The following TTN variants were observed in gnomAD, a reference collection of about 807,000 sequenced individuals.
TTN encodes connectin.
TTN carries 1,525 observed loss-of-function variants against 3,223.0 expected under a neutral mutation model. That is an observed-to-expected ratio of 0.47 (90% CI 0.45 to 0.49). The LOEUF is 0.49. Among genes scored for constraint, TTN ranks in the 20% least tolerant of loss-of-function variants. TTN has a pLI of 0.00. For missense variants in TTN, 40,786 were observed against 43,424.0 expected, an observed-to-expected ratio of 0.94 and a Z score of 5.40; for synonymous variants, 14,094 against 15,161.0, an observed-to-expected ratio of 0.93 and a Z score of 5.17.
rs371528685 is a variant in TTN at position 178,532,702 on chromosome 2, C to T, written c.103913G>A (p.Arg34638His). 8.2e-5 allele frequency: 132 copies of T among 1,613,894 alleles called. No individual in the cohort carries two copies. The South Asian group carries it at 1.1e-3, about 14-fold the overall frequency. Reference protein sequence around the residue: ...DLEIVRPARRRTPSPDYDFYY... With the variant: ...DLEIVRPARRHTPSPDYDFYY... ...AAAGTCATAATCAGGAGAAGGTGTACGCCGGCGGGCTGGTCTCACTATCTC... is the reference window on the plus strand; with the variant it reads ...AAAGTCATAATCAGGAGAAGGTGTATGCCGGCGGGCTGGTCTCACTATCTC... The change falls in exon 358 of 363, where the codon CGT (arginine) becomes CAT (histidine). Residue 34638 changes from arginine to histidine, a missense_variant. Coordinates refer to ENST00000589042, the MANE Select transcript of TTN (RefSeq NM_001267550.2).
chr2:178,553,878 G>T, intron 333 of TTN, 36 bp downstream of exon 333: 1 of 1,564,044 alleles, frequency 6.4e-7, no homozygotes, highest in Non-Finnish European at 8.6e-7. Context: ...GAATATAGAA[G>T]ACACAGGTGA....
Position 178,722,220 on chromosome 2 carries a change from C to A in TTN, c.22528+39G>T, listed in dbSNP as rs766503545. ...TCTACTTTGACAATGAAATATGAAG[C>A]CACAGTTTGCAAAGAAAAAGAGTGA... On this transcript the variant is annotated intron_variant, in intron 77 of 362. Transcript: ENST00000589042. 5 of 1,531,700 alleles carry A rather than the reference C, an allele frequency of 3.3e-6. No individual in the cohort carries two copies. The Admixed American group carries it at 8.6e-5, about 26-fold the overall frequency. 94.9% of individuals were successfully genotyped at this position (1,531,700 alleles called of 1,614,324 possible). A position where few individuals can be genotyped will look rare whatever the true frequency, so the allele number is the denominator to read the frequency against.
rs373718647 is a variant in TTN at position 178,561,712 on chromosome 2, G to A, written c.84420C>T (p.Tyr28140=). 1.2e-6 allele frequency: 2 copies of A among 1,610,764 alleles called. No individual in the cohort carries two copies. Among genetic ancestry groups the A allele is most frequent in the African/African-American group, 1.3e-5 (1 of 74,798 alleles). ...CAENRYGKSS[Y]SESSAVVAEY... is the part of the protein sequence containing the mutation. ...CTGCAACAACAGCTGAAGATTCACT[G>A]TAGGAGCTCTTTCCATAGCGGTTTT... Residue 28140 remains tyrosine (Y), a synonymous_variant, in exon 326 of 363, where the codon TAC becomes TAT. Coordinates refer to ENST00000589042, the MANE Select transcript of TTN (RefSeq NM_001267550.2).
Position 178,531,465 on chromosome 2 carries a change from T to C in TTN, c.105150A>G (p.Arg35050=). The part of the protein sequence containing the change: ...ASQRRDEEVP[R]SVFPELTRTE... ...TTCTTGTCAGCTCAGGGAAAACAGA[T>C]CTGGGGACCTCTTCATCTCTGCGTT... Residue 35050 remains arginine, a synonymous_variant, in exon 358 of 363, where the codon AGA becomes AGG. Transcript: ENST00000589042. The C allele has an allele frequency of 6.2e-7, 1 of 1,613,914 alleles. No individual in the cohort carries two copies. Among genetic ancestry groups the C allele is most frequent in the Non-Finnish European group, 8.5e-7 (1 of 1,179,884 alleles).
At chr2:178,755,446 C>G (rs996897146) in intron 46 of TTN, among the ~76,000 whole-genome samples, 2 of 151,956 alleles carry the variant, frequency 1.3e-5, no homozygotes, top group Non-Finnish European at 2.9e-5. Context: ...TTCTATTTTT[C>G]TTTTTTGGAG....
rs2078577458 is a variant in TTN at position 178,722,535 on chromosome 2, G to A, written c.22252C>T (p.Pro7418Ser). The A allele has an allele frequency of 6.2e-7, 1 of 1,611,702 alleles. No individual in the cohort carries two copies. Among genetic ancestry groups the A allele is most frequent in the Non-Finnish European group, 8.5e-7 (1 of 1,178,576 alleles). The stretch of plus-strand genomic sequence containing the variant: ...TTTAATTGTCTTGCAAAAGAAGGTG[G>A]GAGTTGGCGCTCTGTAGGGAGACAT... ...TVFRIQERQL[P>S]PSFARQLKDI... Residue 7418 changes from proline to serine, a missense_variant, in exon 77 of 363, where the codon CCA becomes TCA. Pro to Ser is a moderately conservative substitution (Grantham distance 74). Coordinates refer to ENST00000589042, the MANE Select transcript of TTN (RefSeq NM_001267550.2).
Position 178,689,579 on chromosome 2 carries a change from C to T in TTN, c.31863G>A (p.Lys10621=), listed in dbSNP as rs773966541. 5 of 1,604,326 alleles carry T rather than the reference C, an allele frequency of 3.1e-6. No homozygotes were observed. Among genetic ancestry groups the T allele is most frequent in the Non-Finnish European group, 3.4e-6 (4 of 1,175,918 alleles). The stretch of plus-strand genomic sequence containing the variant: ...TTATTTTTTCTTCTGTCACAACTCC[C>T]TTCTGTACTTCAGGAACTTGAAGAG... ...APPAKVPEVQ[K]GVVTEEKITI... Residue 10621 remains lysine, a synonymous_variant, in exon 123 of 363, where the codon AAG becomes AAA. Transcript: ENST00000589042.
chr2:178,584,180 CTCTG>C (rs2048406302), intron 311 of TTN, 92 bp downstream of exon 311: 1 of 1,373,018 alleles, frequency 7.3e-7, no homozygotes, highest in Non-Finnish European at 9.9e-7. Flanking sequence ...CTCTACTACT[CTCTG>C]TGTCTTGGAG....
chr2:178,624,958 G>T (rs1390436978), intron 241 of TTN, among the ~76,000 whole-genome samples: 1 of 151,914 alleles, frequency 6.6e-6, no homozygotes, highest in South Asian at 2.1e-4. Flanking sequence ...GGAAATAACA[G>T]CCAACTCTTG....
At chr2:178,745,825 T>C (rs1460265761) in intron 47 of TTN, 2 of 1,613,108 alleles carry the variant, frequency 1.2e-6, no homozygotes, top group Non-Finnish European at 1.7e-6. Context: ...TACCTATTGG[T>C]GCATAACAGT....
At position 178,636,220 on chromosome 2, in the gene TTN, T is replaced by C; in HGVS notation, c.41351A>G (p.Lys13784Arg). Residue 13784 changes from lysine to arginine, a missense_variant, in exon 226 of 363, where the codon AAA (lysine) becomes AGA (arginine). By Grantham distance (26) the Lys-to-Arg change is conservative. Coordinates refer to ENST00000589042, the MANE Select transcript of TTN (RefSeq NM_001267550.2). The surrounding 1 kb of genome is among the most constrained non-coding windows in gnomAD (Gnocchi z 4.3). ...VVEELPVRFV[K>R]TLEEEVTVVK... The stretch of plus-strand genomic sequence containing the variant: ...CACTGTGACTTCCTCTTCCAGTGTT[T>C]TTACAAAACGCACAGGAAGTTCTAT... The C allele has an allele frequency of 6.3e-7, 1 of 1,585,684 alleles. No individual in the cohort carries two copies. Among genetic ancestry groups the C allele is most frequent in the South Asian group, 1.2e-5 (1 of 86,848 alleles).
rs376080743 is a variant in TTN, at chr2:178,696,288, C to G, written c.30803-19G>C. The G allele has an allele frequency of 1.6e-5, 24 of 1,487,926 alleles. No individual in the cohort carries two copies. Among genetic ancestry groups the G allele is most frequent in the Non-Finnish European group, 2.0e-5 (22 of 1,123,608 alleles). 92.2% of individuals were successfully genotyped at this position (1,487,926 alleles called of 1,614,324 possible). ...TCAGGAGCTAAAATAGATAAAGATA[C>G]TATTAGCATATTAATTCTATCCATC... On this transcript the variant is annotated intron_variant, in intron 113 of 362. Coordinates refer to ENST00000589042, the MANE Select transcript of TTN (RefSeq NM_001267550.2).
intron 255 of TTN, 40 bp downstream of exon 255, chr2:178,617,080 A>G (rs1297952760): frequency 2.0e-5 from 33 of 1,610,932 alleles, no homozygotes; most frequent in Non-Finnish European, 2.5e-5. Flanking sequence ...CAAAGTAGCT[A>G]TGTGCTATTC....
Position 178,548,542 on chromosome 2 carries a change from C to T in TTN, c.93084G>A (p.Val31028=), listed in dbSNP as rs769412570. The change falls in exon 339 of 363, where the codon GTG becomes GTA. Residue 31028 remains valine, a synonymous_variant. Coordinates refer to ENST00000589042, the MANE Select transcript of TTN (RefSeq NM_001267550.2). This position sits in a 1 kb window ranked among gnomAD's most constrained non-coding sequence, Gnocchi z 4.3. The part of the protein sequence containing the change: ...GPPGPITFKD[V]TRGSATLMWD... The stretch of plus-strand genomic sequence containing the variant: ...ACATCAATGTAGCAGATCCCCGGGT[C>T]ACATCTTTGAAGGTAATTGGGCCAG... 1.2e-6 allele frequency: 2 copies of T among 1,613,860 alleles called. No individual in the cohort carries two copies. Among genetic ancestry groups the T allele is most frequent in the South Asian group, 2.2e-5 (2 of 91,070 alleles).
At chr2:178,798,382 G>T (rs1191074094) in intron 6 of TTN, 1 of 151,918 alleles carries the variant, frequency 6.6e-6, no homozygotes, top group Non-Finnish European at 1.5e-5. Context: ...ATTTACACTT[G>T]ATTATATAAT....
At chr2:178,687,387 C>A (rs1250391184) in intron 127 of TTN, among the ~76,000 whole-genome samples, 1 of 142,036 alleles carries the variant, frequency 7.0e-6, no homozygotes, top group Non-Finnish European at 1.5e-5. Context: ...TTTGTTGGTT[C>A]TGTCCTTAAG....
chr2:178,557,664 A>G lies in TTN; in HGVS notation c.87690T>C (p.Thr29230=). 1 of 1,613,818 alleles carries G rather than the reference A, an allele frequency of 6.2e-7. No homozygotes were observed. The change falls in exon 328 of 363, where the codon ACT becomes ACC. Residue 29230 remains threonine (T), a synonymous_variant. Transcript: ENST00000589042. ...ISDHIDSACV[T]VKLPYTTPGP... ...ACAACTTACTGTATGGTAGTTTGAC[A>G]GTCACACAAGCTGAATCTATATGAT...
chr2:178,786,523 T>C (rs10497521), intron 13 of TTN, among the ~76,000 whole-genome samples: 20,418 of 152,216 alleles, frequency 0.13, 1,873 homozygotes, highest in Middle Eastern at 0.24. Context: ...TTTTATTATC[T>C]TGTTGACCAT....
At position 178,553,601 on chromosome 2, in the gene TTN, G is replaced by A. The variant is rs1301048848; in HGVS notation, c.89404C>T (p.Pro29802Ser). 1.9e-6 allele frequency: 3 copies of A among 1,613,886 alleles called. No homozygotes were observed. Among genetic ancestry groups the A allele is most frequent in the Non-Finnish European group, 2.5e-6 (3 of 1,179,806 alleles). Reference sequence around the variant, plus strand: ...ACCCGGAAGTAGTAATTGACTCCAGGTTTCAGGTTGGATACCACATATTCT... The same window carrying A: ...ACCCGGAAGTAGTAATTGACTCCAGATTTCAGGTTGGATACCACATATTCT... ...TTEYVVSNLK[P>S]GVNYYFRVSA... is the part of the protein sequence containing the mutation. The change falls in exon 334 of 363, where the codon CCT (proline) becomes TCT (serine). Residue 29802 changes from proline to serine, a missense_variant. By Grantham distance (74) the Pro-to-Ser change is moderately conservative. Transcript: ENST00000589042.
Sources: allele counts gnomAD v4.1 joint callset (sites outside exome capture counted in the v4.1 genomes callset), GRCh38; gene constraint gnomAD v4.1.1; non-coding constraint Gnocchi (gnomAD v3.1); transcripts MANE v1.5; gene names NCBI Gene and HGNC (gene_info 2026-07-23, HGNC 2026-07-21).